Variants in SEC23A observed in about 807,000 individuals in gnomAD.
SEC23A encodes the protein SEC23 homolog A, COPII component.
Under a neutral mutation model 103.7 loss-of-function variants are expected in SEC23A, and 56 were observed. The ratio of observed to expected loss-of-function variants is 0.54; its 90% CI spans 0.44 to 0.67. SEC23A has a LOEUF of 0.67. Ranked by LOEUF, SEC23A falls within the 30% of genes least tolerant of loss-of-function variation. The pLI, the probability that SEC23A is intolerant of heterozygous loss-of-function variation, is 0.00. For missense variants in SEC23A, 784 were observed against 936.4 expected (o/e 0.84, Z 2.12); for synonymous variants, 281 against 293.0 (o/e 0.96, Z 0.42).
At chr14:39,081,822 C>A (rs1887237610) in intron 7 of SEC23A, among the ~76,000 whole-genome samples, 1 of 151,992 alleles carries the variant, frequency 6.6e-6, no homozygotes, top group South Asian at 2.1e-4. Flanking sequence ...TATGCACACA[C>A]ATATACTTAT....
intron 13 of SEC23A, among the ~76,000 whole-genome samples, chr14:39,059,302 A>AAAAAAAAAAAAAAAC: frequency 9.2e-6 from 1 of 108,458 alleles, no homozygotes; most frequent in Non-Finnish European, 2.0e-5. Flanking sequence ...AAAAAAAAAA[A>AAAAAAAAAAAAAAAC]AAAAAAAACA....
At chr14:39,033,772 T>C (rs555606156) in intron 19 of SEC23A, among the ~76,000 whole-genome samples, 1 of 152,320 alleles carries the variant, frequency 6.6e-6, no homozygotes, top group East Asian at 1.9e-4. Flanking sequence ...TTTTAATTGA[T>C]TTCTGTAGGT....
chr14:39,082,404 T>C (rs1450785251), intron 7 of SEC23A, among the ~76,000 whole-genome samples: 1 of 152,038 alleles, frequency 6.6e-6, no homozygotes, highest in Non-Finnish European at 1.5e-5. Context: ...AAAAGAATCA[T>C]CAATGGATGC....
chr14:39,060,226 T>C (rs1886428453), intron 13 of SEC23A, among the ~76,000 whole-genome samples: 1 of 152,142 alleles, frequency 6.6e-6, no homozygotes, highest in Admixed American at 6.5e-5. Flanking sequence ...AGCTGACATT[T>C]TTTCTTCAAA....
intron 12 of SEC23A, 46 bp downstream of exon 12, chr14:39,063,278 C>T (rs749682866): frequency 8.8e-7 from 1 of 1,142,494 alleles, no homozygotes; most frequent in South Asian, 1.2e-5. Flanking sequence ...AGTACTTATT[C>T]AAATGTACGT....
intron 9 of SEC23A, among the ~76,000 whole-genome samples, chr14:39,073,156 C>T (rs1354615754): frequency 6.6e-6 from 1 of 152,138 alleles, no homozygotes; most frequent in Non-Finnish European, 1.5e-5. Flanking sequence ...CTATTAAATG[C>T]ACTTTAGCCC....
chr14:39,092,598 T>C lies in SEC23A; in HGVS notation c.309A>G (p.Glu103=). ...QFPPSYAGIS[E]LNQPAELLPQ... is the part of the protein sequence containing the mutation. ...GTAAAAGTTCAGCAGGCTGATTCAG[T>C]TCAGATATACCAGCATAACTAGGTG... Residue 103 remains glutamate (E), a synonymous_variant, in exon 4 of 20, where the codon GAA becomes GAG. Transcript: ENST00000307712. The C allele has an allele frequency of 6.2e-7, 1 of 1,611,472 alleles. No individual in the cohort carries two copies. The highest frequency in any genetic ancestry group is 8.5e-7 in the Non-Finnish European group (1 of 1,178,270).
chr14:39,033,320 T>C lies in SEC23A; in HGVS notation c.2217A>G (p.Gly739=), dbSNP rs749813245. The change falls in exon 20 of 20, where the codon GGA becomes GGG. Residue 739 remains glycine, a synonymous_variant. Transcript: ENST00000307712. ...TAACATCATCTGTAAGAATAGGTGC[T>C]CCAGACTCCTAGAGGAAAAAAGATA... The part of the protein sequence containing the change: ...NNMYAWGQES[G]APILTDDVSL... 104 of 1,566,862 alleles carry C rather than the reference T, an allele frequency of 6.6e-5. No individual in the cohort carries two copies. Among genetic ancestry groups the C allele is most frequent in the Non-Finnish European group, 8.6e-5 (100 of 1,160,034 alleles).
intron 7 of SEC23A, 35 bp downstream of exon 7, chr14:39,085,726 AC>A (rs752992231): frequency 6.3e-7 from 1 of 1,594,588 alleles, no homozygotes; most frequent in Non-Finnish European, 8.6e-7. Context: ...ACACACACAC[AC>A]ACTTTACATT....
At chr14:39,075,677 G>A (rs574819258) in intron 8 of SEC23A, among the ~76,000 whole-genome samples, 145 of 152,242 alleles carry the variant, frequency 9.5e-4, no homozygotes, top group Middle Eastern at 3.4e-3. Context: ...TATTTAAAAA[G>A]GCATAGAATG....
chr14:39,096,455 T>TG (rs761565039), intron 1 of SEC23A, among the ~76,000 whole-genome samples: 11 of 151,744 alleles, frequency 7.2e-5, no homozygotes, highest in Non-Finnish European at 1.6e-4. Context: ...TCTTGAACCC[T>TG]GGAGGCAAAG....
chr14:39,035,476 A>G (rs1449947445), intron 19 of SEC23A, among the ~76,000 whole-genome samples: 1 of 152,196 alleles, frequency 6.6e-6, no homozygotes, highest in African/African-American at 2.4e-5. Context: ...TGTCCATTTC[A>G]AGCATGTTTT....
intron 16 of SEC23A, among the ~76,000 whole-genome samples, chr14:39,044,170 T>A (rs1442762668): frequency 6.6e-6 from 1 of 152,174 alleles, no homozygotes; most frequent in East Asian, 1.9e-4. Context: ...CTGATAGGAT[T>A]CATGGATTAA....
intron 10 of SEC23A, among the ~76,000 whole-genome samples, chr14:39,066,763 T>C (rs1163045738): frequency 6.6e-6 from 1 of 152,152 alleles, no homozygotes; most frequent in Non-Finnish European, 1.5e-5. Context: ...CTCAGGAGGC[T>C]GAGGCTGGAG....
chr14:39,045,125 A>G, intron 16 of SEC23A, 38 bp downstream of exon 16: 1 of 1,580,910 alleles, frequency 6.3e-7, no homozygotes, highest in Non-Finnish European at 8.7e-7. Flanking sequence ...CACACATTGC[A>G]GTAACAAGAC....
At position 39,085,899 on chromosome 14, in the gene SEC23A, G is replaced by GT; in HGVS notation, c.690dup (p.Gln231ThrfsTer75). 1 of 1,612,668 alleles carries GT rather than the reference G, an allele frequency of 6.2e-7. No homozygotes were observed. ...TTCATGTCTATTTTCTGTACTGGTT[G>GT]TAAGAATCTAAGAAACAGAATTAAA... is the stretch of plus-strand genomic sequence containing the variant. On this transcript the variant is annotated frameshift_variant, in exon 7 of 20. Transcript: ENST00000307712. LOFTEE classifies it high-confidence loss of function.
At position 39,045,310 on chromosome 14, in the gene SEC23A, T is replaced by C. The variant is rs1362282956; in HGVS notation, c.1752A>G (p.Leu584=). ...FSLYPQFMFH[L]RRSSFLQVFN... ...AAACTTGCAGGAAAGAAGATCTTCT[T>C]AAATGAAACATAAACTGTAAGATAA... The change falls in exon 16 of 20, where the codon TTA becomes TTG. Residue 584 remains leucine, a synonymous_variant. Coordinates refer to ENST00000307712, the MANE Select transcript of SEC23A (RefSeq NM_006364.4). The C allele has an allele frequency of 1.2e-6, 2 of 1,606,952 alleles. No homozygotes were observed. Among genetic ancestry groups the C allele is most frequent in the Non-Finnish European group, 1.7e-6 (2 of 1,173,920 alleles).
chr14:39,070,194 C>T (rs1278344801), intron 9 of SEC23A, among the ~76,000 whole-genome samples: 1 of 152,204 alleles, frequency 6.6e-6, no homozygotes, highest in Non-Finnish European at 1.5e-5. Context: ...TAGTTCACTG[C>T]TTTACTTGCA....
At chr14:39,063,141 G>A (rs1886535596) in intron 12 of SEC23A, among the ~76,000 whole-genome samples, 183 bp downstream of exon 12, 1 of 152,092 alleles carries the variant, frequency 6.6e-6, no homozygotes. Context: ...ATTACAATAT[G>A]TACTCTCACC....
Sources: allele counts gnomAD v4.1 joint callset (sites outside exome capture counted in the v4.1 genomes callset), GRCh38; gene constraint gnomAD v4.1.1; transcripts MANE v1.5; gene names NCBI Gene and HGNC (gene_info 2026-07-23, HGNC 2026-07-21).